The following COL25A1 variants were observed in gnomAD, a reference collection of about 807,000 sequenced individuals.
The protein encoded by COL25A1 is collagen alpha-1(XXV) chain.
COL25A1 carries 103 observed loss-of-function variants against 128.4 expected under a neutral mutation model. That is an observed-to-expected ratio of 0.80 (90% CI 0.68 to 0.94). COL25A1 has a LOEUF of 0.94. Among genes scored for constraint, COL25A1 ranks in the 40% least tolerant of loss-of-function variants. COL25A1 has a pLI of 0.00. For missense variants in COL25A1, 745 were observed against 840.0 expected, an observed-to-expected ratio of 0.89 and a Z score of 1.40; for synonymous variants, 279 against 277.2, an observed-to-expected ratio of 1.01 and a Z score of -0.06.
chr4:109,092,722 T>C (rs533272462), intron 3 of COL25A1, among the ~76,000 whole-genome samples: 3 of 152,338 alleles, frequency 2.0e-5, no homozygotes, highest in African/African-American at 7.2e-5. Flanking sequence ...CAAGTGACAA[T>C]GTCTACAAGA....
intron 8 of COL25A1, among the ~76,000 whole-genome samples, chr4:108,948,044 C>T (rs10023775): frequency 0.044 from 6,619 of 152,118 alleles, 370 homozygotes; most frequent in African/African-American, 0.13. Flanking sequence ...GTGTGCAGCA[C>T]AAATAGAGAT....
In COL25A1 at chr4:109,212,095, A is replaced by G. The variant is rs147360009; in HGVS notation, c.367+88488T>C. Among the ~76,000 whole-genome samples the G allele has an allele frequency of 3.0e-3, 450 of 152,270 alleles. 1 individual carries two copies. The highest frequency in any genetic ancestry group is 0.01 in the African/African-American group (430 of 41,562). The stretch of plus-strand genomic sequence containing the variant: ...GAAGGGCATTAAGAATTGGAAGACC[A>G]ATTACACAGAACACAGAGGAATGAT... On this transcript the variant is annotated intron_variant, in intron 3 of 37. Transcript: ENST00000399132.
chr4:108,872,036 T>C (rs896470466), intron 19 of COL25A1, among the ~76,000 whole-genome samples: 6 of 152,158 alleles, frequency 3.9e-5, no homozygotes, highest in Admixed American at 1.3e-4. Context: ...TTTCAGGAAG[T>C]CTTTAAGGTC....
At chr4:109,112,211 G>T (rs1767091618) in intron 3 of COL25A1, among the ~76,000 whole-genome samples, 1 of 152,022 alleles carries the variant, frequency 6.6e-6, no homozygotes, top group Non-Finnish European at 1.5e-5. Context: ...GTTGTTATAG[G>T]AGATCTTCGG....
intron 3 of COL25A1, among the ~76,000 whole-genome samples, chr4:109,076,038 T>C (rs560225623): frequency 1.3e-5 from 2 of 152,206 alleles, no homozygotes; most frequent in African/African-American, 2.4e-5. Flanking sequence ...ATTATTTACA[T>C]AGCACTTATG....
At chr4:109,126,569 T>C (rs1768640036) in intron 3 of COL25A1, among the ~76,000 whole-genome samples, 1 of 152,192 alleles carries the variant, frequency 6.6e-6, no homozygotes, top group African/African-American at 2.4e-5. Flanking sequence ...TCTTCTTATT[T>C]TAAGGACAAA....
At chr4:109,265,150 C>T (rs1433625556) in intron 3 of COL25A1, among the ~76,000 whole-genome samples, 4 of 152,158 alleles carry the variant, frequency 2.6e-5, no homozygotes, top group Admixed American at 2.6e-4. Context: ...GAGCAAAGTT[C>T]ACTGATCATC....
intron 3 of COL25A1, among the ~76,000 whole-genome samples, chr4:109,178,316 T>A (rs1774286371): frequency 6.6e-6 from 1 of 152,228 alleles, no homozygotes; most frequent in Admixed American, 6.5e-5. Context: ...CATACTTTTT[T>A]AAAACATTGT....
intron 3 of COL25A1, among the ~76,000 whole-genome samples, chr4:109,145,092 G>A (rs1338565876): frequency 2.9e-4 from 42 of 142,870 alleles, no homozygotes; most frequent in African/African-American, 1.0e-3. Context: ...TTTTTGAGAC[G>A]GAGTCTCACT....
At chr4:108,919,667 T>C (rs554490078) in intron 12 of COL25A1, among the ~76,000 whole-genome samples, 1 of 152,320 alleles carries the variant, frequency 6.6e-6, no homozygotes, top group African/African-American at 2.4e-5. Flanking sequence ...TGATATTTTG[T>C]TGGCAAAATG....
At chr4:108,993,965 A>T (rs1013506682) in intron 6 of COL25A1, among the ~76,000 whole-genome samples, 4 of 152,130 alleles carry the variant, frequency 2.6e-5, no homozygotes, top group African/African-American at 9.7e-5. Context: ...AAAGAGAGAA[A>T]AGAGGCAGAG....
chr4:109,082,571 C>T (rs565254669), intron 3 of COL25A1, among the ~76,000 whole-genome samples: 1 of 152,240 alleles, frequency 6.6e-6, no homozygotes, highest in East Asian at 1.9e-4. Context: ...TTTTTAAATG[C>T]TTATTGGCCA....
At chr4:109,259,141 T>A (rs1245690882) in intron 3 of COL25A1, among the ~76,000 whole-genome samples, 1 of 152,208 alleles carries the variant, frequency 6.6e-6, no homozygotes, top group East Asian at 1.9e-4. Flanking sequence ...TCTCCCTTAG[T>A]ACTGCACCTT....
In COL25A1 at chr4:108,941,382, T is replaced by C; in HGVS notation, c.548A>G (p.Lys183Arg). 1 of 1,613,916 alleles carries C rather than the reference T, an allele frequency of 6.2e-7. No homozygotes were observed. The highest frequency in any genetic ancestry group is 8.5e-7 in the Non-Finnish European group (1 of 1,179,880). Residue 183 changes from lysine to arginine, a missense_variant, in exon 9 of 38, where the codon AAA becomes AGA. By Grantham distance (26) the Lys-to-Arg change is conservative. This residue lies in a region of COL25A1 where 319 missense variants were observed against 324.9 expected (regional missense o/e 0.98). Transcript: ENST00000399132. Reference protein sequence around the residue: ...GFLSADQQLIKRRLIKGDQGQ... With the variant: ...GFLSADQQLIRRRLIKGDQGQ... Reference sequence around the variant, plus strand: ...AAGCACTACCTTAATCAGGCGGCGTTTAATGAGCTGCTGATCAGCAGAGAG... The same window carrying C: ...AAGCACTACCTTAATCAGGCGGCGTCTAATGAGCTGCTGATCAGCAGAGAG...
intron 3 of COL25A1, among the ~76,000 whole-genome samples, chr4:109,239,789 T>C (rs1030921635): frequency 6.6e-5 from 10 of 152,112 alleles, no homozygotes; most frequent in Admixed American, 3.9e-4. Context: ...AACTTCATCA[T>C]GTTTTTAATT....
intron 6 of COL25A1, among the ~76,000 whole-genome samples, chr4:109,003,848 TTTTC>T (rs1229593736): frequency 3.3e-5 from 5 of 152,026 alleles, no homozygotes; most frequent in Non-Finnish European, 7.4e-5. Context: ...CTCATCTGCC[TTTTC>T]TTTCATTTCC....
intron 6 of COL25A1, among the ~76,000 whole-genome samples, chr4:108,983,590 C>A (rs1347461664): frequency 2.0e-5 from 3 of 152,124 alleles, no homozygotes; most frequent in African/African-American, 7.2e-5. Context: ...AATGAAGCCG[C>A]GGACCCTCGC....
At position 108,943,317 on chromosome 4, in the gene COL25A1, C is replaced by T. The variant is rs141687623; in HGVS notation, c.493-1880G>A. The stretch of plus-strand genomic sequence containing the variant: ...TGTTTACAACTCAGGACATACAATA[C>T]GTGTATTAATTCTTTTTTGGACAAC... On this transcript the variant is annotated intron_variant, in intron 8 of 37. Transcript: ENST00000399132. Among the ~76,000 whole-genome samples the T allele has an allele frequency of 5.3e-5, 8 of 152,254 alleles. No individual in the cohort carries two copies. The East Asian group carries it at 5.8e-4, about 11-fold the overall frequency.
intron 36 of COL25A1, among the ~76,000 whole-genome samples, chr4:108,817,882 C>T (rs1027539320): frequency 4.6e-5 from 7 of 152,068 alleles, no homozygotes; most frequent in African/African-American, 1.4e-4. Context: ...CCATTTCTAT[C>T]TGAAGTTTAT....
Sources: gnomAD v4.1 joint callset for allele counts (sites outside exome capture counted in the v4.1 genomes callset) on GRCh38, gnomAD v4.1.1 for gene constraint, gnomAD v4.1.1 regional missense constraint, MANE v1.5 for transcripts, NCBI Gene and HGNC (gene_info 2026-07-23, HGNC 2026-07-21) for gene names.